The following FAM13C variants were observed in gnomAD, a reference collection of about 807,000 sequenced individuals.
FAM13C encodes the protein protein FAM13C.
A neutral mutation model predicts 73.2 loss-of-function variants in FAM13C; 37 were observed. That is an observed-to-expected ratio of 0.51 (90% CI 0.39 to 0.67). FAM13C has a LOEUF of 0.67. Ranked by LOEUF, FAM13C falls within the 30% of genes least tolerant of loss-of-function variation. FAM13C has a pLI of 0.00. For synonymous variants in FAM13C, 246 were observed against 260.9 expected, an observed-to-expected ratio of 0.94 and a Z score of 0.55; for missense variants, 589 against 715.6, an observed-to-expected ratio of 0.82 and a Z score of 2.02.
intron 3 of FAM13C, among the ~76,000 whole-genome samples, chr10:59,334,247 A>C (rs1191988988): frequency 2.6e-5 from 4 of 152,202 alleles, no homozygotes; most frequent in Non-Finnish European, 5.9e-5. Context: ...GTGCTATCTC[A>C]AACTAAAAAC....
At chr10:59,318,528 A>C (rs1239290859) in intron 4 of FAM13C, among the ~76,000 whole-genome samples, 1 of 152,142 alleles carries the variant, frequency 6.6e-6, no homozygotes, top group African/African-American at 2.4e-5. Flanking sequence ...TTTGACCCAA[A>C]TTCCTTATGT....
chr10:59,307,635 A>T (rs990660827), intron 4 of FAM13C, among the ~76,000 whole-genome samples: 2 of 152,246 alleles, frequency 1.3e-5, no homozygotes, highest in African/African-American at 4.8e-5. Flanking sequence ...TGGATAAAAT[A>T]AAGTCTGCCC....
At chr10:59,263,699 C>T (rs1842744959) in intron 9 of FAM13C, among the ~76,000 whole-genome samples, 2 of 152,180 alleles carry the variant, frequency 1.3e-5, no homozygotes, top group South Asian at 4.2e-4. Flanking sequence ...TGTAACCCTC[C>T]CCTCTCTATG....
chr10:59,342,835 A>G (rs1186092129), intron 3 of FAM13C, among the ~76,000 whole-genome samples: 1 of 152,196 alleles, frequency 6.6e-6, no homozygotes, highest in Admixed American at 6.5e-5. Context: ...AGACTTTCCA[A>G]ACAGCTTTAC....
chr10:59,265,328 G>C lies in FAM13C; in HGVS notation c.943-1162C>G, dbSNP rs1226726348. On this transcript the variant is annotated intron_variant, in intron 8 of 13. Coordinates refer to ENST00000618804, the MANE Select transcript of FAM13C (RefSeq NM_198215.4). ...GATAGGGAAGGGGTTTTGGCGGGGG[G>C]GGGGGGGAATCCTGGTTTCAGGACC... is the stretch of plus-strand genomic sequence containing the variant. Among the ~76,000 whole-genome samples, 2 of 48,914 alleles carry C rather than the reference G, an allele frequency of 4.1e-5. 1 individual carries two copies. The highest frequency in any genetic ancestry group is 9.2e-5 in the Non-Finnish European group (2 of 21,712). The allele number at this position is 48,914 out of a possible 152,430, so 32.1% of individuals were successfully genotyped here.
At chr10:59,346,451 T>G (rs1405878342) in intron 3 of FAM13C, among the ~76,000 whole-genome samples, 1 of 152,202 alleles carries the variant, frequency 6.6e-6, no homozygotes, top group Admixed American at 6.5e-5. Flanking sequence ...AACCTGATGC[T>G]GATATACACC....
intron 3 of FAM13C, among the ~76,000 whole-genome samples, chr10:59,345,508 G>A (rs780961190): frequency 4.6e-5 from 7 of 152,140 alleles, no homozygotes; most frequent in Non-Finnish European, 1.0e-4. Context: ...CAAAAACAAA[G>A]TGATAAAGTG....
intron 6 of FAM13C, among the ~76,000 whole-genome samples, chr10:59,275,791 C>T (rs1276545088): frequency 1.3e-5 from 2 of 152,008 alleles, no homozygotes; most frequent in Non-Finnish European, 2.9e-5. Flanking sequence ...CAGTTTAAGA[C>T]AAATACAATC....
intron 3 of FAM13C, among the ~76,000 whole-genome samples, chr10:59,344,197 C>T (rs1322401194): frequency 1.3e-5 from 2 of 151,544 alleles, no homozygotes; most frequent in Admixed American, 6.6e-5. Flanking sequence ...TTCCTGACCT[C>T]GCGATCCGCC....
rs1490757049 is a variant in FAM13C at position 59,246,916 on chromosome 10, A to T, written c.*698T>A. ...TTAATACAATATTTTATTTTAATAT[A>T]AACATCTGTCAGTTATAGACAAAGA... On this transcript the variant is annotated 3_prime_UTR_variant, in exon 14 of 14. Transcript: ENST00000618804. 1.0e-5 allele frequency: 3 copies of T among 297,506 alleles called. No homozygotes were observed. Among genetic ancestry groups the T allele is most frequent in the Non-Finnish European group, 6.1e-6 (1 of 164,218 alleles). The allele number at this position is 297,506 out of a possible 1,614,324, so 18.4% of individuals were successfully genotyped here. A position where few individuals can be genotyped will look rare whatever the true frequency, so the allele number is the denominator to read the frequency against.
intron 7 of FAM13C, among the ~76,000 whole-genome samples, chr10:59,269,059 T>C (rs1027396995): frequency 2.0e-5 from 3 of 152,180 alleles, no homozygotes; most frequent in Non-Finnish European, 4.4e-5. Flanking sequence ...GATGAGTGGT[T>C]AACTTTTCTT....
intron 10 of FAM13C, among the ~76,000 whole-genome samples, chr10:59,257,729 A>G (rs947387422): frequency 6.6e-6 from 1 of 152,238 alleles, no homozygotes; most frequent in Non-Finnish European, 1.5e-5. Context: ...ATTATCATAG[A>G]AAGCAATTGC....
At chr10:59,320,595 T>C (rs1850094328) in intron 4 of FAM13C, among the ~76,000 whole-genome samples, 1 of 152,128 alleles carries the variant, frequency 6.6e-6, no homozygotes, top group Non-Finnish European at 1.5e-5. Context: ...CAGGCAGCCT[T>C]CCCAGACAGA....
At chr10:59,310,386 C>A (rs896344014) in intron 4 of FAM13C, among the ~76,000 whole-genome samples, 1 of 152,158 alleles carries the variant, frequency 6.6e-6, no homozygotes, top group Non-Finnish European at 1.5e-5. Flanking sequence ...TATGCAGACA[C>A]AGACAAGATG....
intron 4 of FAM13C, among the ~76,000 whole-genome samples, chr10:59,317,503 C>A (rs1478661657): frequency 6.6e-6 from 1 of 152,024 alleles, no homozygotes; most frequent in East Asian, 1.9e-4. Context: ...CCAAAGCTTG[C>A]AAAACATGTT....
intron 10 of FAM13C, 114 bp downstream of exon 10, chr10:59,262,320 G>T: frequency 1.1e-6 from 1 of 934,404 alleles, no homozygotes; most frequent in Non-Finnish European, 1.6e-6. Context: ...AAATTTTGGA[G>T]CCAGGCTAAT....
chr10:59,357,301 T>C (rs1057219961), intron 1 of FAM13C, among the ~76,000 whole-genome samples: 2 of 152,198 alleles, frequency 1.3e-5, no homozygotes, highest in African/African-American at 4.8e-5. Context: ...CATTCTGAGG[T>C]TTTGGTAAAC....
intron 2 of FAM13C, among the ~76,000 whole-genome samples, chr10:59,354,316 G>A (rs535029143): frequency 3.9e-5 from 6 of 152,216 alleles, no homozygotes; most frequent in African/African-American, 9.6e-5. Context: ...TTACACAAAC[G>A]TAAAACCTGG....
In FAM13C at chr10:59,258,657, G is replaced by A. The variant is rs976772284; in HGVS notation, c.1236+3777C>T. 3.3e-5 allele frequency among the ~76,000 whole-genome samples: 5 copies of A among 151,928 alleles called. No individual in the cohort carries two copies. In the South Asian group the frequency reaches 6.2e-4, roughly 19 times the overall value. On this transcript the variant is annotated intron_variant, in intron 10 of 13. Transcript: ENST00000618804. ...GGAAGGAGTCTTTTTACCATTTTCT[G>A]TTATATATTTTCTTTTTGAACTATG...
Sources: gnomAD v4.1 joint callset for allele counts (sites outside exome capture counted in the v4.1 genomes callset) on GRCh38, gnomAD v4.1.1 for gene constraint, MANE v1.5 for transcripts, NCBI Gene and HGNC (gene_info 2026-07-23, HGNC 2026-07-21) for gene names.